The following PKN2 variants were observed in gnomAD, a reference collection of about 807,000 sequenced individuals.
PKN2 encodes the protein protein kinase N2.
A neutral mutation model predicts 119.1 loss-of-function variants in PKN2; 38 were observed. The observed-to-expected ratio is 0.32, with a 90% CI of 0.25 to 0.42. The LOEUF is 0.42. Among genes scored for constraint, PKN2 ranks in the 10% least tolerant of loss-of-function variants. PKN2 has a pLI of 1.00. For synonymous variants in PKN2, 390 were observed against 384.9 expected, an observed-to-expected ratio of 1.01 and a Z score of -0.15; for missense variants, 850 against 1,165.1, an observed-to-expected ratio of 0.73 and a Z score of 3.94.
intron 1 of PKN2, among the ~76,000 whole-genome samples, chr1:88,735,609 C>A (rs1271703884): frequency 6.8e-5 from 6 of 88,760 alleles, no homozygotes; most frequent in Admixed American, 1.3e-4. Flanking sequence ...CCCACCCCCC[C>A]CCCCCCCACC....
At chr1:88,684,810 C>G (rs917384765) in intron 1 of PKN2, 182 bp downstream of exon 1, 2 of 532,424 alleles carry the variant, frequency 3.8e-6, no homozygotes, top group Non-Finnish European at 6.5e-6. Context: ...GGAGCCGGAC[C>G]CTCTCCCCCG....
chr1:88,720,826 C>T (rs66823561), intron 1 of PKN2, among the ~76,000 whole-genome samples: 10,208 of 152,166 alleles, frequency 0.067, 705 homozygotes, highest in African/African-American at 0.18. Flanking sequence ...ATCATTCTTA[C>T]GCCTTTGCAT....
At chr1:88,705,356 A>G (rs1021221162) in intron 1 of PKN2, among the ~76,000 whole-genome samples, 42 of 152,050 alleles carry the variant, frequency 2.8e-4, no homozygotes, top group Non-Finnish European at 8.8e-5. Flanking sequence ...ATCAAAGTTC[A>G]TATTTTTCAT....
At chr1:88,776,984 A>G (rs1670134066) in intron 6 of PKN2, among the ~76,000 whole-genome samples, 1 of 151,960 alleles carries the variant, frequency 6.6e-6, no homozygotes, top group Admixed American at 6.6e-5. Context: ...CAGATTTGGG[A>G]AGTTTCCAAT....
intron 1 of PKN2, among the ~76,000 whole-genome samples, chr1:88,730,787 G>T (rs1031055493): frequency 5.3e-5 from 8 of 152,072 alleles, no homozygotes; most frequent in African/African-American, 1.9e-4. Context: ...TTTTTCAGTG[G>T]GCATGGCCGT....
chr1:88,799,963 C>T (rs1436398601), intron 8 of PKN2, among the ~76,000 whole-genome samples: 1 of 152,196 alleles, frequency 6.6e-6, no homozygotes, highest in Non-Finnish European at 1.5e-5. Flanking sequence ...CTCGTGTACA[C>T]GTTTGCAGAA....
In PKN2 at chr1:88,724,535, T is replaced by G. The variant is rs887026371; in HGVS notation, c.49-16453T>G. Among the ~76,000 whole-genome samples the G allele has an allele frequency of 5.3e-5, 8 of 152,116 alleles. No individual in the cohort carries two copies. The South Asian group carries it at 8.3e-4, about 16-fold the overall frequency. ...GATCTCATTAAATTTATGTATAACA[T>G]TGAAGAAAGTGGCATTAAACAGTGT... On this transcript the variant is annotated intron_variant, in intron 1 of 21. Transcript: ENST00000370521.
chr1:88,688,777 G>A (rs1362306068), intron 1 of PKN2, among the ~76,000 whole-genome samples: 3 of 152,140 alleles, frequency 2.0e-5, no homozygotes, highest in African/African-American at 7.2e-5. Flanking sequence ...ATGTAACCTA[G>A]CTCTGTGTTT....
chr1:88,814,588 A>G (rs1207024443), intron 16 of PKN2, among the ~76,000 whole-genome samples: 2 of 152,078 alleles, frequency 1.3e-5, no homozygotes, highest in African/African-American at 4.8e-5. Context: ...ACTTAAACTG[A>G]ACTGATTTTT....
At chr1:88,708,222 C>T (rs1324016884) in intron 1 of PKN2, among the ~76,000 whole-genome samples, 1 of 151,838 alleles carries the variant, frequency 6.6e-6, no homozygotes, top group East Asian at 1.9e-4. Flanking sequence ...CCTGTTAAAC[C>T]TGTAGATCTT....
At chr1:88,749,322 G>A (rs1486777179) in intron 2 of PKN2, among the ~76,000 whole-genome samples, 2 of 150,552 alleles carry the variant, frequency 1.3e-5, no homozygotes, top group African/African-American at 2.4e-5. Context: ...ACTCAATCAC[G>A]TGAACCCAGG....
intron 1 of PKN2, among the ~76,000 whole-genome samples, chr1:88,740,014 A>C (rs1668514546): frequency 6.6e-6 from 1 of 152,190 alleles, no homozygotes; most frequent in African/African-American, 2.4e-5. Flanking sequence ...TAGGGGAAAA[A>C]AAAAATAAAA....
At chr1:88,730,352 CT>C (rs1570545476) in intron 1 of PKN2, among the ~76,000 whole-genome samples, 3 of 152,260 alleles carry the variant, frequency 2.0e-5, no homozygotes. Flanking sequence ...CAGTCTAGGG[CT>C]TGTATAGCAG....
chr1:88,701,915 A>T (rs929161254), intron 1 of PKN2, among the ~76,000 whole-genome samples: 1 of 152,192 alleles, frequency 6.6e-6, no homozygotes, highest in Non-Finnish European at 1.5e-5. Flanking sequence ...CTTGTGCAAC[A>T]GTCATTGTAG....
intron 1 of PKN2, among the ~76,000 whole-genome samples, chr1:88,737,470 C>T (rs1341857551): frequency 1.3e-5 from 2 of 152,142 alleles, no homozygotes; most frequent in African/African-American, 4.8e-5. Context: ...TGGAGGCACT[C>T]TCCAAGCTGT....
chr1:88,687,191 G>C (rs1666136428), intron 1 of PKN2, among the ~76,000 whole-genome samples: 2 of 152,076 alleles, frequency 1.3e-5, no homozygotes, highest in African/African-American at 4.8e-5. Context: ...ACAGTATTCT[G>C]TCTTGTTAAT....
At chr1:88,767,016 T>C (rs976444770) in intron 3 of PKN2, among the ~76,000 whole-genome samples, 21 of 152,200 alleles carry the variant, frequency 1.4e-4, no homozygotes, top group Non-Finnish European at 2.2e-4. Context: ...ATGGAACTAC[T>C]TCATTTTGCA....
Position 88,760,320 on chromosome 1 carries a change from A to T in PKN2, c.448A>T (p.Lys150Ter). ...ALQKQLDIELKVKQGAENMIQ... is the reference protein window; with the variant it reads ...ALQKQLDIEL Reference sequence around the variant, plus strand: ...ACAAAAACAATTGGATATAGAACTTAAAGTAAAACAAGGTGCAGAGAATAT... The same window carrying T: ...ACAAAAACAATTGGATATAGAACTTTAAGTAAAACAAGGTGCAGAGAATAT... Residue 150 changes from lysine (K) to a stop codon, truncating the protein, a stop_gained, in exon 3 of 22, where the codon AAA (lysine) becomes TAA (stop). Coordinates refer to ENST00000370521, the MANE Select transcript of PKN2 (RefSeq NM_006256.4). LOFTEE classifies it high-confidence loss of function. 6.4e-7 allele frequency: 1 copy of T among 1,570,206 alleles called. No homozygotes were observed. Among genetic ancestry groups the T allele is most frequent in the South Asian group, 1.1e-5 (1 of 89,452 alleles).
chr1:88,813,720 G>T lies in PKN2; in HGVS notation c.2266G>T (p.Glu756Ter). ...GCACATTCATACTGATGTCTTTTCT[G>T]AACCAAGAGCTGTGTGAGTATGCTT... Reference protein sequence around the residue: ...MMHIHTDVFSEPRAVFYAACV... With the variant: ...MMHIHTDVFS The change falls in exon 16 of 22, where the codon GAA (glutamate) becomes TAA (stop). Residue 756 changes from glutamate (E) to a stop codon, truncating the protein, a stop_gained. Coordinates refer to ENST00000370521, the MANE Select transcript of PKN2 (RefSeq NM_006256.4). LOFTEE classifies it high-confidence loss of function. 6.3e-7 allele frequency: 1 copy of T among 1,593,242 alleles called. No individual in the cohort carries two copies. The highest frequency in any genetic ancestry group is 1.2e-5 in the South Asian group (1 of 86,876).
Sources: gnomAD v4.1 joint callset for allele counts (sites outside exome capture counted in the v4.1 genomes callset) on GRCh38, gnomAD v4.1.1 for gene constraint, MANE v1.5 for transcripts, NCBI Gene and HGNC (gene_info 2026-07-23, HGNC 2026-07-21) for gene names.